ECPAS: variants seen among roughly 807,000 people sequenced by gnomAD.
ECPAS encodes the protein proteasome adapter and scaffold protein ECM29.
In ECPAS, 70 loss-of-function variants were observed where a neutral mutation model predicts 255.1. The observed-to-expected ratio is 0.27, with a 90% CI of 0.23 to 0.33. The LOEUF (loss-of-function observed/expected upper bound fraction) is 0.33, where lower values mean the gene tolerates loss of function less well. Ranked by LOEUF, ECPAS falls within the 10% of genes least tolerant of loss-of-function variation. The pLI, the probability that ECPAS is intolerant of heterozygous loss-of-function variation, is 1.00. For missense variants in ECPAS, 1,817 were observed against 2,206.4 expected (o/e 0.82, Z 3.54); for synonymous variants, 784 against 775.0 (o/e 1.01, Z -0.19).
Position 111,405,607 on chromosome 9 carries a change from A to G in ECPAS, c.2652+2964T>C, listed in dbSNP as rs183001905. ...GAAACATCCAACAGAGTGAAGAGAC[A>G]ACCTATGGCATAGACGAAAATATCT... is the stretch of plus-strand genomic sequence containing the variant. On this transcript the variant is annotated intron_variant, in intron 24 of 49. Transcript: ENST00000684092. Among the ~76,000 whole-genome samples, 29 of 150,164 alleles carry G rather than the reference A, an allele frequency of 1.9e-4. 2 individuals carry two copies. The highest frequency in any genetic ancestry group is 7.0e-4 in the African/African-American group (28 of 39,766).
rs750292438 is a variant in ECPAS at position 111,442,350 on chromosome 9, C to A, written c.345G>T (p.Thr115=). Residue 115 remains threonine, a synonymous_variant, in exon 5 of 50, where the codon ACG becomes ACT. Transcript: ENST00000684092. ...PVEKQCELAP[T]LLTAMEGKPQ... is the part of the protein sequence containing the mutation. ...GCTTCCCTTCCATGGCAGTAAGAAG[C>A]GTAGGGGCCAGTTCACATTGTTTTT... The A allele has an allele frequency of 2.5e-6, 4 of 1,612,818 alleles. No homozygotes were observed. The highest frequency in any genetic ancestry group is 3.3e-5 in the Admixed American group (2 of 59,918).
chr9:111,439,900 AAGG>A (rs1276202512), intron 6 of ECPAS, among the ~76,000 whole-genome samples: 1 of 152,156 alleles, frequency 6.6e-6, no homozygotes, highest in Non-Finnish European at 1.5e-5. Context: ...CAGACACAGC[AAGG>A]AGAAGGAAGG....
Position 111,370,592 on chromosome 9 carries a change from C to T in ECPAS, c.4817G>A (p.Ser1606Asn), listed in dbSNP as rs2098126128. ...ELEKSVPNQP[S>N]TNEILQAVLK... is the part of the protein sequence containing the mutation. ...AACAGCTTGAAGAATTTCATTTGTG[C>T]TGGGTTGATTGGGCACAGACTTTTC... Residue 1606 changes from serine (S) to asparagine (N), a missense_variant, in exon 45 of 50, where the codon AGC (serine) becomes AAC (asparagine). Ser to Asn is a conservative substitution (Grantham distance 46). Coordinates refer to ENST00000684092, the MANE Select transcript of ECPAS (RefSeq NM_001364929.1). The T allele has an allele frequency of 1.2e-6, 2 of 1,610,758 alleles. No homozygotes were observed. Among genetic ancestry groups the T allele is most frequent in the South Asian group, 2.2e-5 (2 of 90,460 alleles).
chr9:111,466,520 A>G (rs956771852), intron 2 of ECPAS, among the ~76,000 whole-genome samples: 1 of 152,196 alleles, frequency 6.6e-6, no homozygotes, highest in Non-Finnish European at 1.5e-5. Context: ...GAGAATCTTA[A>G]AATTCCAAAA....
At chr9:111,395,777 G>C (rs17727722) in intron 25 of ECPAS, among the ~76,000 whole-genome samples, 43,188 of 151,988 alleles carry the variant, frequency 0.28, 7,580 homozygotes, top group Non-Finnish European at 0.4. Flanking sequence ...CATGCAACCT[G>C]AAAATTCCCA....
intron 21 of ECPAS, chr9:111,411,733 G>A (rs573811271): frequency 6.9e-5 from 20 of 289,892 alleles, no homozygotes; most frequent in South Asian, 2.5e-4. Flanking sequence ...ACGGTGGTAC[G>A]GCTGCAGGCT....
rs567988990 is a variant in ECPAS, at chr9:111,470,811, G to C, written c.22+2086C>G. ...ACAGAGGAAGGGGAGGAAATCATAG[G>C]AGTAGCTTGGCAAGACTGGGCCAGG... is the stretch of plus-strand genomic sequence containing the variant. On this transcript the variant is annotated intron_variant, in intron 2 of 49. Coordinates refer to ENST00000684092, the MANE Select transcript of ECPAS (RefSeq NM_001364929.1). Among the ~76,000 whole-genome samples the C allele has an allele frequency of 1.6e-3, 236 of 149,136 alleles. 1 individual carries two copies. Among genetic ancestry groups the C allele is most frequent in the African/African-American group, 5.7e-3 (229 of 40,166 alleles).
chr9:111,373,098 C>T (rs2098129345), intron 41 of ECPAS, 72 bp downstream of exon 41: 1 of 1,145,316 alleles, frequency 8.7e-7, no homozygotes, highest in East Asian at 2.3e-5. Context: ...AGGGTAAGAC[C>T]TAATTTGTAC....
chr9:111,371,581 A>G, intron 43 of ECPAS, 40 bp downstream of exon 43: 2 of 1,521,312 alleles, frequency 1.3e-6, no homozygotes, highest in Non-Finnish European at 1.8e-6. Context: ...TGAAAGATGA[A>G]GTCAGAATCC....
At chr9:111,370,180 C>T (rs1237421683) in intron 45 of ECPAS, among the ~76,000 whole-genome samples, 1 of 152,164 alleles carries the variant, frequency 6.6e-6, no homozygotes, top group African/African-American at 2.4e-5. Context: ...ACACTGTGGA[C>T]CATGAGGATG....
rs1364155828 is a variant in ECPAS at position 111,383,333 on chromosome 9, C to G, written c.3682-1G>C. On this transcript the variant is annotated splice_acceptor_variant, in intron 34 of 49. Coordinates refer to ENST00000684092, the MANE Select transcript of ECPAS (RefSeq NM_001364929.1). LOFTEE classifies it high-confidence loss of function. ...CAGGGTCACACATTTTCACACAGAC[C>G]TCACATACAAAGAGCATGGACGTTA... 1 of 1,609,394 alleles carries G rather than the reference C, an allele frequency of 6.2e-7. No individual in the cohort carries two copies. The highest frequency in any genetic ancestry group is 8.5e-7 in the Non-Finnish European group (1 of 1,177,754).
chr9:111,431,173 T>G (rs184635205), intron 8 of ECPAS, among the ~76,000 whole-genome samples: 1 of 152,366 alleles, frequency 6.6e-6, no homozygotes, highest in Admixed American at 6.5e-5. Flanking sequence ...CAGTACACAC[T>G]TGCAGTTTTA....
chr9:111,483,212 G>A (rs1465351170), intron 1 of ECPAS, among the ~76,000 whole-genome samples: 1 of 152,080 alleles, frequency 6.6e-6, no homozygotes, highest in South Asian at 2.1e-4. Context: ...AGTGGGCAGG[G>A]GGCTGGGCTC....
Position 111,386,474 on chromosome 9 carries a change from A to C in ECPAS, c.3448-18T>G, listed in dbSNP as rs1245207016. ...TTATCCACCTAATGAAAGCAAAAGGATAAAATTTAAAATGCAAAATCCATC... is the reference window on the plus strand; with the variant it reads ...TTATCCACCTAATGAAAGCAAAAGGCTAAAATTTAAAATGCAAAATCCATC... On this transcript the variant is annotated intron_variant, in intron 31 of 49. Transcript: ENST00000684092. 3 of 1,453,732 alleles carry C rather than the reference A, an allele frequency of 2.1e-6. No homozygotes were observed. Among genetic ancestry groups the C allele is most frequent in the Non-Finnish European group, 1.9e-6 (2 of 1,046,300 alleles). The allele number at this position is 1,453,732 out of a possible 1,614,324, so 90.1% of individuals were successfully genotyped here. A position where few individuals can be genotyped will look rare whatever the true frequency, so the allele number is the denominator to read the frequency against.
chr9:111,386,218 C>T (rs1376761296), intron 32 of ECPAS, among the ~76,000 whole-genome samples, 159 bp downstream of exon 32: 1 of 152,218 alleles, frequency 6.6e-6, no homozygotes, highest in Non-Finnish European at 1.5e-5. Context: ...CCCACCTCAG[C>T]CTCCCCATGT....
chr9:111,416,774 T>C (rs1366852256), intron 17 of ECPAS, among the ~76,000 whole-genome samples: 1 of 152,130 alleles, frequency 6.6e-6, no homozygotes, highest in African/African-American at 2.4e-5. Flanking sequence ...GGTGCCTACC[T>C]AGCAAAGAGC....
At position 111,374,970 on chromosome 9, in the gene ECPAS, T is replaced by C. The variant is rs16916017; in HGVS notation, c.4110+143A>G. On this transcript the variant is annotated intron_variant, in intron 38 of 49. Transcript: ENST00000684092. The stretch of plus-strand genomic sequence containing the variant: ...TGAACCAGTTACATGTTTTCAGTTA[T>C]CAGTGCAACCACAGAAATAAAATGG... 0.017 allele frequency: 10,861 copies of C among 630,250 alleles called. 376 individuals carry two copies. Among genetic ancestry groups the C allele is most frequent in the East Asian group, 0.11 (4,167 of 36,472 alleles). 39.0% of individuals were successfully genotyped at this position (630,250 alleles called of 1,614,324 possible).
intron 15 of ECPAS, among the ~76,000 whole-genome samples, chr9:111,421,435 G>C (rs1171934649): frequency 2.6e-5 from 4 of 151,624 alleles, no homozygotes; most frequent in Non-Finnish European, 4.4e-5. Flanking sequence ...GTGTGTGTGT[G>C]TGTGTGTGTG....
chr9:111,366,395 A>T (rs2098120364), intron 47 of ECPAS, 68 bp from the exon 48 acceptor site: 2 of 1,361,184 alleles, frequency 1.5e-6, no homozygotes, highest in Non-Finnish European at 2.1e-6. Context: ...TTCCTGTCAC[A>T]ATTTCTATCT....
Sources: gnomAD v4.1 joint callset for allele counts (sites outside exome capture counted in the v4.1 genomes callset) on GRCh38, gnomAD v4.1.1 for gene constraint, MANE v1.5 for transcripts, NCBI Gene and HGNC (gene_info 2026-07-23, HGNC 2026-07-21) for gene names.